The following EMP2 variants were observed in gnomAD, a reference collection of about 807,000 sequenced individuals.
EMP2 encodes the protein epithelial membrane protein 2.
EMP2 carries 19 observed loss-of-function variants against 13.7 expected under a neutral mutation model. That is an observed-to-expected ratio of 1.38 (90% CI 0.97 to 2.03). The LOEUF (loss-of-function observed/expected upper bound fraction) is 2.03, where lower values mean the gene tolerates loss of function less well. EMP2 is among the 30% of genes most tolerant of loss of function. EMP2 has a pLI of 0.00. For missense variants in EMP2, 253 were observed against 220.7 expected, an observed-to-expected ratio of 1.15 and a Z score of -0.93; for synonymous variants, 97 against 84.7, an observed-to-expected ratio of 1.15 and a Z score of -0.80.
Position 10,532,950 on chromosome 16 carries a change from G to A in EMP2, c.459C>T (p.Thr153=), listed in dbSNP as rs1370457855. The A allele has an allele frequency of 1.2e-6, 2 of 1,604,752 alleles. No individual in the cohort carries two copies. The highest frequency in any genetic ancestry group is 8.5e-7 in the Non-Finnish European group (1 of 1,175,118). Residue 153 remains threonine, a synonymous_variant, in exon 5 of 5, where the codon ACC becomes ACT. Coordinates refer to ENST00000359543, the MANE Select transcript of EMP2 (RefSeq NM_001424.6). The part of the protein sequence containing the change: ...YILAWVAFAC[T]FISGMMYLIL... Reference sequence around the variant, plus strand: ...TCAGGTACATCATGCCGCTGATGAAGGTGCAGGCGAAGGCCACCCACGCCA... The same window carrying A: ...TCAGGTACATCATGCCGCTGATGAAAGTGCAGGCGAAGGCCACCCACGCCA...
At chr16:10,575,475 C>T (rs2050978079) in intron 1 of EMP2, among the ~76,000 whole-genome samples, 1 of 151,518 alleles carries the variant, frequency 6.6e-6, no homozygotes, top group African/African-American at 2.4e-5. Context: ...AGGATGGTCT[C>T]GATCTCCTGA....
rs2051019309 is a variant in EMP2 at position 10,580,396 on chromosome 16, T to C, written c.-61+153A>G. Among the ~76,000 whole-genome samples the C allele has an allele frequency of 6.6e-6, 1 of 152,164 alleles. No homozygotes were observed. The highest frequency in any genetic ancestry group is 2.4e-5 in the African/African-American group (1 of 41,434). On this transcript the variant is annotated intron_variant, in intron 1 of 4. Coordinates refer to ENST00000359543, the MANE Select transcript of EMP2 (RefSeq NM_001424.6). This position sits in a 1 kb window ranked among gnomAD's most constrained non-coding sequence, Gnocchi z 4.3. ...TGGCGCAGACCAGAGGTCGGCGGCA[T>C]GGGTGGCACCTCGGCCCTCCCGTTA...
intron 4 of EMP2, among the ~76,000 whole-genome samples, chr16:10,537,533 A>G (rs756231242): frequency 6.6e-6 from 1 of 152,038 alleles, no homozygotes; most frequent in Non-Finnish European, 1.5e-5. Context: ...CTCCAGCCCC[A>G]CTGGGCAGCT....
At chr16:10,560,676 G>A (rs2050864812) in intron 1 of EMP2, among the ~76,000 whole-genome samples, 1 of 152,206 alleles carries the variant, frequency 6.6e-6, no homozygotes, top group African/African-American at 2.4e-5. Flanking sequence ...CACTTGTGGT[G>A]TGATTGGCCC....
chr16:10,572,503 C>T (rs2050955288), intron 1 of EMP2, among the ~76,000 whole-genome samples: 1 of 152,036 alleles, frequency 6.6e-6, no homozygotes, highest in African/African-American at 2.4e-5. Flanking sequence ...CTTCCATCCA[C>T]TGCTAGATAA....
chr16:10,563,681 A>G (rs2050888131), intron 1 of EMP2, among the ~76,000 whole-genome samples: 1 of 152,248 alleles, frequency 6.6e-6, no homozygotes, highest in African/African-American at 2.4e-5. Flanking sequence ...GAAGATGAGC[A>G]GGAAGTAATT....
At chr16:10,534,006 T>C (rs887577198) in intron 4 of EMP2, among the ~76,000 whole-genome samples, 2 of 151,576 alleles carry the variant, frequency 1.3e-5, no homozygotes, top group Admixed American at 1.3e-4. Context: ...TCCCAGCTAC[T>C]AGGGAGGCTG....
intron 1 of EMP2, among the ~76,000 whole-genome samples, chr16:10,564,048 C>A (rs1462321700): frequency 6.6e-6 from 1 of 152,222 alleles, no homozygotes; most frequent in East Asian, 1.9e-4. Flanking sequence ...AGCAGGGCTA[C>A]CCCATAGGCA....
Position 10,575,237 on chromosome 16 carries a change from C to CTTTTTTTTTTTTTTTTTT in EMP2, c.-61+5294_-61+5311dup, listed in dbSNP as rs761837614. Among the ~76,000 whole-genome samples the CTTTTTTTTTTTTTTTTTT allele has an allele frequency of 5.1e-4, 27 of 52,486 alleles. 3 individuals are homozygous for CTTTTTTTTTTTTTTTTTT. Among genetic ancestry groups the CTTTTTTTTTTTTTTTTTT allele is most frequent in the African/African-American group, 7.0e-4 (11 of 15,662 alleles). 34.4% of individuals were successfully genotyped at this position (52,486 alleles called of 152,430 possible). ...TGGCCTTGGTCCTGGAGCTTGCATT[C>CTTTTTTTTTTTTTTTTTT]TTTTTTTTTTTTTTTTTTTTTTTTT... On this transcript the variant is annotated intron_variant, in intron 1 of 4. Transcript: ENST00000359543.
In EMP2 at chr16:10,532,772, T is replaced by C. The variant is rs913734173; in HGVS notation, c.*133A>G. ...TTTTCTTTTTTCTTTTTTTTTTTTTTTTTTTTTTTTTTTTGGCTTTTAAAG... is the reference window on the plus strand; with the variant it reads ...TTTTCTTTTTTCTTTTTTTTTTTTTCTTTTTTTTTTTTTTGGCTTTTAAAG... On this transcript the variant is annotated 3_prime_UTR_variant, in exon 5 of 5. Transcript: ENST00000359543. The C allele has an allele frequency of 5.9e-4, 226 of 379,912 alleles. 7 individuals carry two copies. The highest frequency in any genetic ancestry group is 7.5e-4 in the African/African-American group (35 of 46,424). The allele number at this position is 379,912 out of a possible 1,614,324, so 23.5% of individuals were successfully genotyped here.
intron 1 of EMP2, among the ~76,000 whole-genome samples, chr16:10,561,032 C>T (rs1161104719): frequency 2.0e-5 from 3 of 152,082 alleles, no homozygotes; most frequent in Non-Finnish European, 4.4e-5. Flanking sequence ...TAGCAGGAGG[C>T]AAACGTGGGG....
At position 10,534,420 on chromosome 16, in the gene EMP2, C is replaced by T. The variant is rs142040659; in HGVS notation, c.317-1328G>A. On this transcript the variant is annotated intron_variant, in intron 4 of 4. Coordinates refer to ENST00000359543, the MANE Select transcript of EMP2 (RefSeq NM_001424.6). ...GTAACTATCTTTGTGGCTGAAATCA[C>T]AGTTAATTCGATTTTCTCTCACATA... is the stretch of plus-strand genomic sequence containing the variant. Among the ~76,000 whole-genome samples the T allele has an allele frequency of 3.4e-3, 520 of 152,314 alleles. 5 individuals are homozygous for T. Among genetic ancestry groups the T allele is most frequent in the African/African-American group, 0.012 (501 of 41,576 alleles).
chr16:10,558,884 A>G (rs564967998), intron 1 of EMP2: 1 of 152,308 alleles, frequency 6.6e-6, no homozygotes, highest in Admixed American at 6.5e-5. Context: ...CGCCCTCGGG[A>G]GTTCTTCCTA....
intron 1 of EMP2, among the ~76,000 whole-genome samples, chr16:10,561,283 T>A (rs1462674660): frequency 6.6e-6 from 1 of 152,120 alleles, no homozygotes; most frequent in Non-Finnish European, 1.5e-5. Flanking sequence ...ATTGGTGACA[T>A]GGTAGAAATG....
intron 1 of EMP2, among the ~76,000 whole-genome samples, chr16:10,569,750 G>C (rs1453475524): frequency 6.6e-6 from 1 of 152,218 alleles, no homozygotes; most frequent in African/African-American, 2.4e-5. Flanking sequence ...TGCTACAGGA[G>C]TCATTTCCAA....
intron 2 of EMP2, chr16:10,546,377 T>C (rs981582402): frequency 2.0e-5 from 3 of 152,250 alleles, no homozygotes; most frequent in African/African-American, 7.2e-5. Flanking sequence ...TTCCCTGATG[T>C]CACTCCCTGT....
rs1181904661 is a variant in EMP2 at position 10,532,743 on chromosome 16, TTTTTTTTCTTTTTTC to T, written c.*147_*161del. On this transcript the variant is annotated 3_prime_UTR_variant, in exon 5 of 5. Transcript: ENST00000359543. ...CAAAAACTCTTCTCTCTTTTGGATT[TTTTTTTTCTTTTTTC>T]TTTTTTTTTTTTTTTTTTTTTTTTT... The T allele has an allele frequency of 2.5e-6, 1 of 402,120 alleles. No homozygotes were observed. Among genetic ancestry groups the T allele is most frequent in the Admixed American group, 6.2e-5 (1 of 16,238 alleles). The allele number at this position is 402,120 out of a possible 1,614,324, so 24.9% of individuals were successfully genotyped here.
intron 1 of EMP2, among the ~76,000 whole-genome samples, chr16:10,565,285 G>A (rs1447363949): frequency 2.6e-5 from 4 of 152,202 alleles, no homozygotes; most frequent in African/African-American, 7.2e-5. Context: ...TTCTGTGAAG[G>A]TGCTTTGGGA....
At chr16:10,560,650 A>G (rs2050864536) in intron 1 of EMP2, among the ~76,000 whole-genome samples, 1 of 152,194 alleles carries the variant, frequency 6.6e-6, no homozygotes, top group Admixed American at 6.5e-5. Flanking sequence ...ACGGACGGAT[A>G]TGACGTGATG....
Sources: allele counts gnomAD v4.1 joint callset (sites outside exome capture counted in the v4.1 genomes callset), GRCh38; gene constraint gnomAD v4.1.1; non-coding constraint Gnocchi (gnomAD v3.1); transcripts MANE v1.5; gene names NCBI Gene and HGNC (gene_info 2026-07-23, HGNC 2026-07-21).